The following SKAP2 variants were observed in gnomAD, a reference collection of about 807,000 sequenced individuals.
SKAP2 encodes src kinase associated phosphoprotein 2.
A neutral mutation model predicts 54.9 loss-of-function variants in SKAP2; 28 were observed. The observed-to-expected ratio is 0.51, with a 90% CI of 0.38 to 0.70. The LOEUF (loss-of-function observed/expected upper bound fraction) is 0.70, where lower values mean the gene tolerates loss of function less well. Ranked by LOEUF, SKAP2 falls within the 30% of genes least tolerant of loss-of-function variation. The pLI, the probability that SKAP2 is intolerant of heterozygous loss-of-function variation, is 0.00. For missense variants in SKAP2, 356 were observed against 424.1 expected (o/e 0.84, Z 1.41); for synonymous variants, 137 against 134.3 (o/e 1.02, Z -0.14).
intron 10 of SKAP2, 117 bp from the exon 11 acceptor site, chr7:26,684,965 T>C (rs1459562954): frequency 1.6e-6 from 1 of 628,758 alleles, no homozygotes; most frequent in East Asian, 2.7e-5. Context: ...CTAAAAAAAT[T>C]ATGTCCTGAG....
rs888933981 is a variant in SKAP2 at position 26,668,488 on chromosome 7, T to G, written c.*1178A>C. Reference sequence around the variant, plus strand: ...CTCACCTGTTGGTACATGCTACCACTGGGATTTCTACACTCTCCTCTGCAA... The same window carrying G: ...CTCACCTGTTGGTACATGCTACCACGGGGATTTCTACACTCTCCTCTGCAA... On this transcript the variant is annotated 3_prime_UTR_variant, in exon 13 of 13. Transcript: ENST00000345317. The G allele has an allele frequency of 3.3e-5, 5 of 151,862 alleles. No homozygotes were observed. Among genetic ancestry groups the G allele is most frequent in the African/African-American group, 1.2e-4 (5 of 41,312 alleles). The allele number at this position is 151,862 out of a possible 1,614,324, so 9.4% of individuals were successfully genotyped here. A position where few individuals can be genotyped will look rare whatever the true frequency, so the allele number is the denominator to read the frequency against.
intron 4 of SKAP2, among the ~76,000 whole-genome samples, chr7:26,767,831 T>A (rs1783095151): frequency 6.6e-6 from 1 of 152,206 alleles, no homozygotes; most frequent in Non-Finnish European, 1.5e-5. Context: ...AGTGATGGTT[T>A]ATTATGATTT....
intron 4 of SKAP2, among the ~76,000 whole-genome samples, chr7:26,800,435 A>G (rs1315814406): frequency 6.6e-6 from 1 of 152,192 alleles, no homozygotes; most frequent in African/African-American, 2.4e-5. Context: ...TTTTCAATGC[A>G]TCTTCAAGAA....
intron 9 of SKAP2, among the ~76,000 whole-genome samples, chr7:26,699,884 C>T (rs1279039116): frequency 6.6e-6 from 1 of 152,178 alleles, no homozygotes; most frequent in Non-Finnish European, 1.5e-5. Context: ...CCAAAGCACA[C>T]AATCTCAGGA....
In SKAP2 at chr7:26,819,426, G is replaced by A. The variant is rs548908177; in HGVS notation, c.307+24604C>T. ...ACACCTGCACCTGTCGGGGGGTGGG[G>A]GCTAGGGGAGGGATAGATAACATTA... On this transcript the variant is annotated intron_variant, in intron 4 of 12. Transcript: ENST00000345317. Among the ~76,000 whole-genome samples, 5 of 152,156 alleles carry A rather than the reference G, an allele frequency of 3.3e-5. No homozygotes were observed. In the East Asian group the frequency reaches 7.8e-4, roughly 24 times the overall value.
chr7:26,725,817 T>C (rs1787694739), intron 8 of SKAP2, 106 bp downstream of exon 8: 1 of 922,232 alleles, frequency 1.1e-6, no homozygotes, highest in South Asian at 1.4e-5. Flanking sequence ...ACATTCAAGT[T>C]GGTCATTCTC....
intron 4 of SKAP2, among the ~76,000 whole-genome samples, chr7:26,831,158 T>C (rs1784586302): frequency 6.6e-6 from 1 of 152,156 alleles, no homozygotes; most frequent in African/African-American, 2.4e-5. Flanking sequence ...TCACTAGCTA[T>C]CAAGCTCATG....
At chr7:26,699,825 A>C (rs1444113025) in intron 9 of SKAP2, among the ~76,000 whole-genome samples, 4 of 152,182 alleles carry the variant, frequency 2.6e-5, no homozygotes, top group Non-Finnish European at 5.9e-5. Flanking sequence ...CATGAAAAAA[A>C]ATGATATCCT....
intron 4 of SKAP2, among the ~76,000 whole-genome samples, chr7:26,764,016 T>A (rs1231826581): frequency 2.0e-5 from 3 of 152,196 alleles, no homozygotes; most frequent in Non-Finnish European, 4.4e-5. Flanking sequence ...TCTATCATCA[T>A]CTCAAATGAT....
chr7:26,841,182 ACTCTAGTCT>A (rs1784809700), intron 4 of SKAP2, among the ~76,000 whole-genome samples: 1 of 152,014 alleles, frequency 6.6e-6, no homozygotes, highest in Non-Finnish European at 1.5e-5. Flanking sequence ...AGCTGTGGCT[ACTCTAGTCT>A]CTCATTGAAA....
intron 9 of SKAP2, among the ~76,000 whole-genome samples, chr7:26,722,035 T>C (rs1787589800): frequency 6.6e-6 from 1 of 152,216 alleles, no homozygotes; most frequent in African/African-American, 2.4e-5. Context: ...AAATATGCTA[T>C]AGTATTATTA....
intron 9 of SKAP2, among the ~76,000 whole-genome samples, chr7:26,697,383 G>A (rs956863037): frequency 1.3e-5 from 2 of 152,138 alleles, no homozygotes; most frequent in African/African-American, 2.4e-5. Context: ...GGTCAGAAGC[G>A]ACTGTGAATT....
intron 4 of SKAP2, among the ~76,000 whole-genome samples, chr7:26,821,180 AAT>A (rs1379125640): frequency 3.3e-5 from 5 of 152,194 alleles, no homozygotes; most frequent in African/African-American, 1.2e-4. Context: ...ATCTGCCTTG[AAT>A]ATTGCTTAAT....
intron 4 of SKAP2, among the ~76,000 whole-genome samples, chr7:26,832,118 G>C (rs1784607588): frequency 6.6e-6 from 1 of 152,114 alleles, no homozygotes. Flanking sequence ...GTTGGCAATA[G>C]CTTCTTCCTT....
intron 11 of SKAP2, among the ~76,000 whole-genome samples, chr7:26,683,444 T>A (rs7788165): frequency 0.55 from 82,953 of 151,894 alleles, 23,377 homozygotes; most frequent in East Asian, 0.88. Context: ...TTGGGCACCC[T>A]AACTAGCAAT....
At position 26,764,653 on chromosome 7, in the gene SKAP2, G is replaced by A. The variant is rs528255514; in HGVS notation, c.308-24689C>T. On this transcript the variant is annotated intron_variant, in intron 4 of 12. Coordinates refer to ENST00000345317, the MANE Select transcript of SKAP2 (RefSeq NM_003930.5). Reference sequence around the variant, plus strand: ...TTACATGTACAGAATGTGCAGGTTTGTTACATAGGTATCCATGTGCCATGG... The same window carrying A: ...TTACATGTACAGAATGTGCAGGTTTATTACATAGGTATCCATGTGCCATGG... Among the ~76,000 whole-genome samples, 5 of 151,498 alleles carry A rather than the reference G, an allele frequency of 3.3e-5. No individual in the cohort carries two copies. In the South Asian group the frequency reaches 1.0e-3, roughly 31 times the overall value.
intron 9 of SKAP2, among the ~76,000 whole-genome samples, chr7:26,699,093 A>G (rs1786965082): frequency 6.6e-6 from 1 of 152,232 alleles, no homozygotes; most frequent in South Asian, 2.1e-4. Context: ...AGTGCAAGAC[A>G]GGCCTATGAA....
intron 9 of SKAP2, among the ~76,000 whole-genome samples, chr7:26,718,615 C>G (rs1328386458): frequency 6.6e-6 from 1 of 152,050 alleles, no homozygotes; most frequent in Non-Finnish European, 1.5e-5. Context: ...AAGCAATTCT[C>G]CTGCCTCAGC....
At chr7:26,814,884 T>G (rs1023336220) in intron 4 of SKAP2, among the ~76,000 whole-genome samples, 1 of 152,162 alleles carries the variant, frequency 6.6e-6, no homozygotes, top group African/African-American at 2.4e-5. Flanking sequence ...TTGTTTATGA[T>G]CCTTACTTTA....
Sources: allele counts gnomAD v4.1 joint callset (sites outside exome capture counted in the v4.1 genomes callset), GRCh38; gene constraint gnomAD v4.1.1; transcripts MANE v1.5; gene names NCBI Gene and HGNC (gene_info 2026-07-23, HGNC 2026-07-21).